EIF4G3: variants seen among roughly 807,000 people sequenced by gnomAD.
The protein encoded by EIF4G3 is eIF-4-gamma 3.
A neutral mutation model predicts 186.4 loss-of-function variants in EIF4G3; 34 were observed. The ratio of observed to expected loss-of-function variants is 0.18; its 90% CI spans 0.14 to 0.24. The LOEUF is 0.24. Ranked by LOEUF, EIF4G3 falls within the 10% of genes least tolerant of loss-of-function variation. EIF4G3 has a pLI of 1.00. For missense variants in EIF4G3, 1,536 were observed against 1,948.5 expected, an observed-to-expected ratio of 0.79 and a Z score of 3.99; for synonymous variants, 673 against 679.5, an observed-to-expected ratio of 0.99 and a Z score of 0.15.
Position 20,857,426 on chromosome 1 carries a change from A to C in EIF4G3, c.3316T>G (p.Ser1106Ala), listed in dbSNP as rs902638122. The C allele has an allele frequency of 2.5e-6, 4 of 1,614,044 alleles. No individual in the cohort carries two copies. Among genetic ancestry groups the C allele is most frequent in the Non-Finnish European group, 3.4e-6 (4 of 1,180,002 alleles). The change falls in exon 25 of 37, where the codon TCA becomes GCA. Residue 1106 changes from serine (S) to alanine (A), a missense_variant. Ser to Ala is a moderately conservative substitution (Grantham distance 99, BLOSUM62 1). Coordinates refer to ENST00000602326, the MANE Select transcript of EIF4G3 (RefSeq NM_001391906.1). ...ACCTTAGTGATTTTTAGGAATTTTG[A>C]GGGGTCCAGTACCCGACTGTTCTTG... ...GAKNSRVLDP[S>A]KFLKITKPTI...
chr1:21,046,266 T>C (rs1020360370), intron 4 of EIF4G3, among the ~76,000 whole-genome samples: 3 of 152,350 alleles, frequency 2.0e-5, no homozygotes, highest in South Asian at 2.1e-4. Context: ...TGAAATGTCA[T>C]AGTCTAAAGT....
At chr1:20,992,281 G>A (rs1418509481) in intron 7 of EIF4G3, among the ~76,000 whole-genome samples, 1 of 152,142 alleles carries the variant, frequency 6.6e-6, no homozygotes, top group Non-Finnish European at 1.5e-5. Flanking sequence ...GTTGTGCCAG[G>A]TCTGGCCCAT....
intron 2 of EIF4G3, among the ~76,000 whole-genome samples, chr1:21,119,151 A>C (rs2096882569): frequency 6.6e-6 from 1 of 152,078 alleles, no homozygotes; most frequent in African/African-American, 2.4e-5. Context: ...TTAATAATTA[A>C]AGATTATTCT....
intron 7 of EIF4G3, among the ~76,000 whole-genome samples, chr1:20,985,678 C>A (rs11581807): frequency 0.029 from 4,412 of 152,176 alleles, 206 homozygotes; most frequent in African/African-American, 0.098. Context: ...TGGGATTTCC[C>A]AAACTGCTTG....
chr1:21,159,179 T>A (rs1302536213), intron 2 of EIF4G3, among the ~76,000 whole-genome samples: 1 of 152,092 alleles, frequency 6.6e-6, no homozygotes, highest in African/African-American at 2.4e-5. Flanking sequence ...AGGCCTATAA[T>A]CCCAACACTT....
chr1:21,040,074 G>A (rs998088425), intron 4 of EIF4G3, among the ~76,000 whole-genome samples: 8 of 152,084 alleles, frequency 5.3e-5, no homozygotes, highest in Admixed American at 2.0e-4. Flanking sequence ...CCTTAGAATC[G>A]CCAACGTCTG....
intron 2 of EIF4G3, among the ~76,000 whole-genome samples, chr1:21,138,088 T>C (rs887468488): frequency 6.6e-6 from 1 of 152,092 alleles, no homozygotes; most frequent in Non-Finnish European, 1.5e-5. Flanking sequence ...TGAATTACAC[T>C]AGAAATAGCC....
In EIF4G3 at chr1:21,077,550, T is replaced by G. The variant is rs1572164168; in HGVS notation, c.-196+11588A>C. Among the ~76,000 whole-genome samples the G allele has an allele frequency of 3.4e-5, 5 of 147,412 alleles. No individual in the cohort carries two copies. The Admixed American group carries it at 3.4e-4, about 10-fold the overall frequency. The stretch of plus-strand genomic sequence containing the variant: ...ACGAAAACCACAATGAGATTTCATC[T>G]CCCTCCAGTTAAAGTGGCTATTATT... On this transcript the variant is annotated intron_variant, in intron 3 of 36. Transcript: ENST00000602326.
In EIF4G3 at chr1:20,942,262, C is replaced by T; in HGVS notation, c.892G>A (p.Glu298Lys). Residue 298 changes from glutamate to lysine, a missense_variant, in exon 14 of 37, where the codon GAG (glutamate) becomes AAG (lysine). Physicochemically the swap from Glu to Lys is moderately conservative, Grantham distance 56. Transcript: ENST00000602326. ...GTCTGGCCTTCTTGTTCTTTCTTCT[C>T]TCCACTGAGGACTAGCCTAAGGACT... ...SPVLRLVLSG[E>K]KKEQEGQTSE... 1 of 1,613,802 alleles carries T rather than the reference C, an allele frequency of 6.2e-7. No homozygotes were observed. The highest frequency in any genetic ancestry group is 8.5e-7 in the Non-Finnish European group (1 of 1,179,800).
At chr1:21,039,609 G>C (rs1383172900) in intron 4 of EIF4G3, among the ~76,000 whole-genome samples, 1 of 152,156 alleles carries the variant, frequency 6.6e-6, no homozygotes, top group Non-Finnish European at 1.5e-5. Flanking sequence ...GCTACAGTGA[G>C]TTATTTCCAA....
chr1:20,964,326 C>A (rs532456253), intron 12 of EIF4G3, among the ~76,000 whole-genome samples: 1 of 151,910 alleles, frequency 6.6e-6, no homozygotes, highest in Admixed American at 6.6e-5. Flanking sequence ...TTCTCGTGAG[C>A]CATGATATCC....
chr1:20,947,019 T>G (rs888135174), intron 13 of EIF4G3, among the ~76,000 whole-genome samples: 10 of 152,208 alleles, frequency 6.6e-5, no homozygotes, highest in African/African-American at 2.2e-4. Flanking sequence ...TTTTATATGC[T>G]AATTTCAAAA....
At position 20,907,994 on chromosome 1, in the gene EIF4G3, G is replaced by C. The variant is rs2154557735; in HGVS notation, c.1664-3023C>G. Among the ~76,000 whole-genome samples, 2 of 151,638 alleles carry C rather than the reference G, an allele frequency of 1.3e-5. 1 individual carries two copies. The highest frequency in any genetic ancestry group is 4.2e-4 in the South Asian group (2 of 4,800). ...ACTGACTTCCACAATGGTTGAACTA[G>C]TTTACAGTCCCACCAACAGTGTAAA... On this transcript the variant is annotated intron_variant, in intron 14 of 36. Coordinates refer to ENST00000602326, the MANE Select transcript of EIF4G3 (RefSeq NM_001391906.1).
At chr1:21,015,902 T>C (rs1264728869) in intron 4 of EIF4G3, among the ~76,000 whole-genome samples, 1 of 152,032 alleles carries the variant, frequency 6.6e-6, no homozygotes, top group East Asian at 1.9e-4. Flanking sequence ...AGACATGCCC[T>C]ACAAGAAATG....
At chr1:21,048,966 A>AT (rs2094055113) in intron 4 of EIF4G3, among the ~76,000 whole-genome samples, 1 of 152,172 alleles carries the variant, frequency 6.6e-6, no homozygotes, top group African/African-American at 2.4e-5. Flanking sequence ...GAAGTTTCCA[A>AT]TTTTGAGTAG....
chr1:21,142,103 AG>A (rs2097350681), intron 2 of EIF4G3, among the ~76,000 whole-genome samples: 1 of 152,200 alleles, frequency 6.6e-6, no homozygotes, highest in Non-Finnish European at 1.5e-5. Context: ...AAAGCTACTC[AG>A]GAGGCTGAGG....
intron 13 of EIF4G3, among the ~76,000 whole-genome samples, chr1:20,942,738 T>C (rs911463977): frequency 2.0e-5 from 3 of 152,176 alleles, no homozygotes; most frequent in African/African-American, 7.2e-5. Flanking sequence ...GGCAAAACAG[T>C]ACAAGGGCAA....
chr1:20,901,366 A>G (rs2090216988), intron 15 of EIF4G3, among the ~76,000 whole-genome samples: 1 of 152,168 alleles, frequency 6.6e-6, no homozygotes, highest in Admixed American at 6.5e-5. Context: ...ATAATTAAGT[A>G]CAGGTCATCA....
chr1:21,151,051 C>A (rs2097540795), intron 2 of EIF4G3, among the ~76,000 whole-genome samples: 1 of 151,964 alleles, frequency 6.6e-6, no homozygotes, highest in African/African-American at 2.4e-5. Flanking sequence ...CTAATCTCAC[C>A]AGCAACCAGT....
Sources: allele counts gnomAD v4.1 joint callset (sites outside exome capture counted in the v4.1 genomes callset), GRCh38; gene constraint gnomAD v4.1.1; transcripts MANE v1.5; gene names NCBI Gene and HGNC (gene_info 2026-07-23, HGNC 2026-07-21).